The following HUWE1 variants were observed in gnomAD, a reference collection of about 807,000 sequenced individuals.
The protein encoded by HUWE1 is HECT, UBA and WWE domain containing E3 ubiquitin protein ligase 1, also known as E3 ubiquitin-protein ligase HUWE1.
In HUWE1, 18 loss-of-function variants were observed where a neutral mutation model predicts 299.4. The observed-to-expected ratio is 0.06, with a 90% confidence interval of 0.04 to 0.09. The LOEUF is 0.09. Among genes scored for constraint, HUWE1 ranks in the 10% least tolerant of loss-of-function variants. The pLI is 1.00. For synonymous variants in HUWE1, 1,317 were observed against 1,286.1 expected (o/e 1.02, Z -0.51); for missense variants, 1,832 against 3,462.3 (o/e 0.53, Z 11.82).
chrX:53,648,520 G>A (rs2068219517), intron 4 of HUWE1, among the ~76,000 whole-genome samples: 1 of 98,010 alleles, frequency 1.0e-5, no homozygotes, highest in South Asian at 4.1e-4. Context: ...ATCCACCTGG[G>A]CTTAAAAAAC....
chrX:53,532,876 AAC>A lies in HUWE1; in HGVS notation c.*431_*432del, dbSNP rs1365720201. On this transcript the variant is annotated 3_prime_UTR_variant, in exon 84 of 84. Transcript: ENST00000262854. Reference sequence around the variant, plus strand: ...CATTGAATCATTAGCTGTGCACATCAACACATTCCAAGCACAAATTAAGAAAT... The same window carrying A: ...CATTGAATCATTAGCTGTGCACATCAACATTCCAAGCACAAATTAAGAAAT... 9.0e-6 allele frequency: 1 copy of A among 110,874 alleles called. No individual in the cohort carries two copies. The highest frequency in any genetic ancestry group is 3.3e-5 in the African/African-American group (1 of 30,350). The allele number at this position is 110,874 out of a possible 1,213,427, so 9.1% of individuals were successfully genotyped here. A position where few individuals can be genotyped will look rare whatever the true frequency, so the allele number is the denominator to read the frequency against.
chrX:53,594,720 G>T (rs940366860), intron 30 of HUWE1, 99 bp from the exon 31 acceptor site: 121 of 833,907 alleles, frequency 1.5e-4, no homozygotes, highest in Non-Finnish European at 1.9e-4. Context: ...TTTACACACT[G>T]AAGTGACACC....
In HUWE1 at chrX:53,594,690, T is replaced by G. The variant is rs2064355901; in HGVS notation, c.3381-69A>C. ...AGAGACAGAAGCAATAGGAAATTCA[T>G]GTAAAAGGCAAGAGTAAAATTTACA... On this transcript the variant is annotated intron_variant, in intron 30 of 83. Coordinates refer to ENST00000262854, the MANE Select transcript of HUWE1 (RefSeq NM_031407.7). 10 of 1,105,413 alleles carry G rather than the reference T, an allele frequency of 9.0e-6. No individual in the cohort carries two copies. In the South Asian group the frequency reaches 1.3e-4, roughly 15 times the overall value. 91.1% of individuals were successfully genotyped at this position (1,105,413 alleles called of 1,213,427 possible).
At position 53,563,829 on chromosome X, in the gene HUWE1, G is replaced by A; in HGVS notation, c.7030-8C>T. Reference sequence around the variant, plus strand: ...CTCCAGCTCATTCTCAACCTGGAGAGAAATAGAACATATATATGGATGCAC... The same window carrying A: ...CTCCAGCTCATTCTCAACCTGGAGAAAAATAGAACATATATATGGATGCAC... On this transcript the variant is annotated splice_polypyrimidine_tract_variant and splice_region_variant and intron_variant, in intron 51 of 83. Coordinates refer to ENST00000262854, the MANE Select transcript of HUWE1 (RefSeq NM_031407.7). 8.3e-7 allele frequency: 1 copy of A among 1,207,557 alleles called. No homozygotes were observed. The highest frequency in any genetic ancestry group is 1.1e-6 in the Non-Finnish European group (1 of 892,978).
chrX:53,648,160 A>G, intron 5 of HUWE1, 52 bp downstream of exon 5: 1 of 776,232 alleles, frequency 1.3e-6, no homozygotes, highest in Non-Finnish European at 2.0e-6. Flanking sequence ...AGCATACAAA[A>G]TGATGTATTA....
Position 53,550,655 on chromosome X carries a change from G to A in HUWE1, c.9488+11C>T, listed in dbSNP as rs376987299. On this transcript the variant is annotated intron_variant, in intron 66 of 83. Transcript: ENST00000262854. ...GTGGTGATATGGTAAGGTAAAAATA[G>A]ACAAAGGTACCTGTTATGGCTGCTG... 20 of 1,196,335 alleles carry A rather than the reference G, an allele frequency of 1.7e-5. No homozygotes were observed. In the African/African-American group the frequency reaches 3.4e-4, roughly 20 times the overall value.
At chrX:53,586,464 G>A in intron 39 of HUWE1, 26 bp downstream of exon 39, 2 of 1,073,017 alleles carry the variant, frequency 1.9e-6, no homozygotes, top group South Asian at 1.9e-5. Flanking sequence ...AAACCGTCCT[G>A]CAGTCATACA....
chrX:53,593,958 G>A (rs975515766), intron 31 of HUWE1, among the ~76,000 whole-genome samples: 29 of 110,656 alleles, frequency 2.6e-4, no homozygotes, highest in African/African-American at 7.6e-4. Flanking sequence ...TTAGCTGGAC[G>A]TGGTGGCGGG....
At chrX:53,541,338 A>G (rs1165976031) in intron 74 of HUWE1, among the ~76,000 whole-genome samples, 1 of 112,009 alleles carries the variant, frequency 8.9e-6, no homozygotes, top group Non-Finnish European at 1.9e-5. Context: ...CTGTAATCCC[A>G]GCACTTTGGG....
rs1193085780 is a variant in HUWE1 at position 53,631,677 on chromosome X, T to C, written c.646-63A>G. On this transcript the variant is annotated intron_variant, in intron 9 of 83. Transcript: ENST00000262854. ...CTGAACACTCTAGCTTCCCCTTCCA[T>C]AGAGCTCCAAAGGGCTGTCTGAAAA... The C allele has an allele frequency of 3.0e-5, 26 of 858,069 alleles. No homozygotes were observed. In the East Asian group the frequency reaches 3.1e-4, roughly 10 times the overall value. 70.7% of individuals were successfully genotyped at this position (858,069 alleles called of 1,213,427 possible).
intron 18 of HUWE1, 111 bp from the exon 19 acceptor site, chrX:53,624,786 G>A: frequency 1.8e-6 from 1 of 567,459 alleles, no homozygotes; most frequent in East Asian, 3.6e-5. Context: ...CTCAAAGCCT[G>A]TGTTAATTCT....
intron 19 of HUWE1, among the ~76,000 whole-genome samples, chrX:53,620,813 C>T (rs1168302027): frequency 9.9e-5 from 11 of 111,282 alleles, no homozygotes; most frequent in Non-Finnish European, 2.1e-4. Context: ...GATATTGGTG[C>T]GATCCACGGT....
chrX:53,594,735 A>C, intron 30 of HUWE1, 114 bp from the exon 31 acceptor site: 2 of 733,105 alleles, frequency 2.7e-6, no homozygotes, highest in Non-Finnish European at 2.1e-6. Flanking sequence ...GACACCTCCC[A>C]CCTACTAAAG....
At chrX:53,583,980 C>A in intron 41 of HUWE1, 64 bp from the exon 42 acceptor site, 1 of 950,872 alleles carries the variant, frequency 1.1e-6, no homozygotes, top group South Asian at 2.0e-5. Context: ...TCCCACGCCT[C>A]CCTCCTAAGT....
chrX:53,553,797 G>A (rs1237875408), intron 61 of HUWE1, among the ~76,000 whole-genome samples: 3 of 109,092 alleles, frequency 2.7e-5, no homozygotes, highest in African/African-American at 3.3e-5. Flanking sequence ...GTGACAGAGC[G>A]AGACTTTTTC....
intron 22 of HUWE1, among the ~76,000 whole-genome samples, 194 bp from the exon 23 acceptor site, chrX:53,614,939 T>TA (rs782487806): frequency 1.8e-5 from 2 of 110,654 alleles, no homozygotes; most frequent in Non-Finnish European, 3.8e-5. Flanking sequence ...GCTGCAAACT[T>TA]AAATAATTTG....
chrX:53,634,031 T>A (rs2067045018), intron 8 of HUWE1, among the ~76,000 whole-genome samples: 1 of 112,038 alleles, frequency 8.9e-6, no homozygotes. Context: ...CAGATTTTTT[T>A]ATCTACCACC....
At chrX:53,562,035 G>C in intron 54 of HUWE1, 76 bp downstream of exon 54, 1 of 1,210,991 alleles carries the variant, frequency 8.3e-7, no homozygotes, top group Non-Finnish European at 1.1e-6. Context: ...TAGCAACCCA[G>C]ACTGTTGGTT....
chrX:53,595,011 A>G (rs2064383168), intron 30 of HUWE1, among the ~76,000 whole-genome samples, 176 bp downstream of exon 30: 1 of 112,022 alleles, frequency 8.9e-6, no homozygotes, highest in South Asian at 3.7e-4. Context: ...AATATTACCC[A>G]TGTTCTGTAC....
Sources: allele counts gnomAD v4.1 joint callset (sites outside exome capture counted in the v4.1 genomes callset), GRCh38; gene constraint gnomAD v4.1.1; transcripts MANE v1.5; gene names NCBI Gene and HGNC (gene_info 2026-07-23, HGNC 2026-07-21).